The following VGLL4 variants were observed in gnomAD, a reference collection of about 807,000 sequenced individuals.
The protein encoded by VGLL4 is transcription cofactor vestigial-like protein 4.
In VGLL4, 7 loss-of-function variants were observed where a neutral mutation model predicts 21.0. The observed-to-expected ratio is 0.33, with a 90% CI of 0.19 to 0.63. VGLL4 has a LOEUF of 0.63. VGLL4 is among the 20% of genes least tolerant of loss of function. The pLI, the probability that VGLL4 is intolerant of heterozygous loss-of-function variation, is 0.78. For missense variants in VGLL4, 394 were observed against 425.7 expected (o/e 0.93, Z 0.66); for synonymous variants, 222 against 173.2 (o/e 1.28, Z -2.21).
intron 2 of VGLL4, among the ~76,000 whole-genome samples, chr3:11,591,256 G>A (rs566944166): frequency 3.3e-5 from 5 of 152,264 alleles, no homozygotes; most frequent in South Asian, 2.1e-4. Flanking sequence ...TACCCCAAAC[G>A]TCCTCTAATA....
intron 2 of VGLL4, among the ~76,000 whole-genome samples, chr3:11,651,745 A>G (rs2075876041): frequency 6.6e-6 from 1 of 151,652 alleles, no homozygotes. Context: ...ACCAGGGAGT[A>G]GCTGATTTAA....
intron 1 of VGLL4, among the ~76,000 whole-genome samples, chr3:11,710,725 T>TAATAATATACAATGGTAGG (rs2125412765): frequency 6.6e-6 from 1 of 152,314 alleles, no homozygotes; most frequent in Admixed American, 6.5e-5. Flanking sequence ...TGGTTTCAGC[T>TAATAATATACAATGGTAGG]AATAATATAC....
upstream of VGLL4, among the ~76,000 whole-genome samples, chr3:11,646,421 G>A (rs1012862746): frequency 3.9e-5 from 6 of 152,218 alleles, no homozygotes; most frequent in African/African-American, 1.4e-4. Flanking sequence ...AACCAGGGGG[G>A]AGCTTTTAAA....
chr3:11,641,170 C>G (rs1302941789), intron 1 of VGLL4, among the ~76,000 whole-genome samples: 1 of 149,712 alleles, frequency 6.7e-6, no homozygotes, highest in African/African-American at 2.5e-5. Flanking sequence ...TAGAGTAGAG[C>G]TATGTCTCAT....
intron 2 of VGLL4, among the ~76,000 whole-genome samples, chr3:11,591,650 A>C (rs969527974): frequency 6.6e-6 from 1 of 152,252 alleles, no homozygotes; most frequent in Admixed American, 6.5e-5. Context: ...CAAGAAACCC[A>C]CACAACACAG....
chr3:11,682,318 T>C (rs866346967), intron 2 of VGLL4, among the ~76,000 whole-genome samples: 1 of 144,342 alleles, frequency 6.9e-6, no homozygotes, highest in Non-Finnish European at 1.5e-5. Flanking sequence ...GGCAGGAGAA[T>C]AGCTTGAACC....
At chr3:11,684,071 C>T (rs1346222321) in intron 2 of VGLL4, among the ~76,000 whole-genome samples, 2 of 151,834 alleles carry the variant, frequency 1.3e-5, no homozygotes, top group African/African-American at 2.4e-5. Flanking sequence ...ATTAGCTGGG[C>T]CTGATGGCAC....
At chr3:11,601,453 G>A (rs1260972564) in intron 2 of VGLL4, among the ~76,000 whole-genome samples, 3 of 152,168 alleles carry the variant, frequency 2.0e-5, no homozygotes, top group African/African-American at 7.2e-5. Flanking sequence ...CCTTCTATTT[G>A]TCTGGTGCAC....
At chr3:11,607,805 AT>A (rs2074978792) in intron 1 of VGLL4, among the ~76,000 whole-genome samples, 2 of 152,234 alleles carry the variant, frequency 1.3e-5, no homozygotes, top group Non-Finnish European at 2.9e-5. Context: ...AAGTCAGATA[AT>A]TTTTAAAACA....
At chr3:11,607,685 T>A (rs73027105) in intron 1 of VGLL4, among the ~76,000 whole-genome samples, 1 of 152,086 alleles carries the variant, frequency 6.6e-6, no homozygotes, top group African/African-American at 2.4e-5. Context: ...CTTTTTTCTC[T>A]CAGGCTTTTC....
intron 1 of VGLL4, among the ~76,000 whole-genome samples, chr3:11,632,148 A>C (rs891460071): frequency 2.0e-5 from 3 of 152,080 alleles, no homozygotes; most frequent in Non-Finnish European, 4.4e-5. Context: ...ACCCTGCCTT[A>C]CTAAAAATAC....
At position 11,601,837 on chromosome 3, in the gene VGLL4, G is replaced by C. The variant is rs2074805266; in HGVS notation, c.268C>G (p.His90Asp). 2 of 1,613,634 alleles carry C rather than the reference G, an allele frequency of 1.2e-6. No individual in the cohort carries two copies. The highest frequency in any genetic ancestry group is 2.2e-5 in the South Asian group (2 of 91,020). Residue 90 changes from histidine (H) to aspartate (D), a missense_variant, in exon 2 of 5, where the codon CAT (histidine) becomes GAT (aspartate). Coordinates refer to ENST00000430365, the MANE Select transcript of VGLL4 (RefSeq NM_001128219.3). ...VSKMSRIFNP[H>D]LNKTANGDCR... ...AATAAGAACAGAGGAACTCACAGAT[G>C]GGGGTTGAAGATGCGACTCATTTTG... is the stretch of plus-strand genomic sequence containing the variant.
Position 11,576,358 on chromosome 3 carries a change from G to A in VGLL4, c.273-11339C>T, listed in dbSNP as rs2074045079. On this transcript the variant is annotated intron_variant, in intron 2 of 4. Transcript: ENST00000430365. The stretch of plus-strand genomic sequence containing the variant: ...TTGAAAAGAATTTAAAATTCCTACT[G>A]CTAATTTGTAGTTGTTTTTGTCATT... Among the ~76,000 whole-genome samples the A allele has an allele frequency of 3.3e-5, 5 of 152,212 alleles. No homozygotes were observed. The South Asian group carries it at 1.0e-3, about 32-fold the overall frequency.
intron 1 of VGLL4, 29 bp from the exon 2 acceptor site, chr3:11,602,051 A>T: frequency 6.7e-7 from 1 of 1,490,312 alleles, no homozygotes; most frequent in Non-Finnish European, 8.9e-7. Flanking sequence ...TGTAGTCACT[A>T]AGCAGGAGAA....
At chr3:11,594,706 T>C (rs894213733) in intron 2 of VGLL4, among the ~76,000 whole-genome samples, 3 of 152,244 alleles carry the variant, frequency 2.0e-5, no homozygotes, top group Admixed American at 6.5e-5. Flanking sequence ...AGGTCATCCA[T>C]TGCAGCACTG....
chr3:11,673,547 T>C (rs1194271475), intron 2 of VGLL4, among the ~76,000 whole-genome samples: 1 of 152,014 alleles, frequency 6.6e-6, no homozygotes, highest in Non-Finnish European at 1.5e-5. Context: ...ATCTAAGAAA[T>C]ATCCCCCAGG....
intron 2 of VGLL4, among the ~76,000 whole-genome samples, chr3:11,678,703 C>T (rs1477708079): frequency 6.6e-6 from 1 of 152,112 alleles, no homozygotes; most frequent in Admixed American, 6.6e-5. Context: ...TACATACATT[C>T]TCCCTCTTTG....
At chr3:11,570,537 A>G (rs1321335800) in intron 2 of VGLL4, among the ~76,000 whole-genome samples, 2 of 152,200 alleles carry the variant, frequency 1.3e-5, no homozygotes, top group African/African-American at 4.8e-5. Flanking sequence ...CGCACGGGTG[A>G]CCACATACCA....
intron 2 of VGLL4, among the ~76,000 whole-genome samples, chr3:11,701,509 T>C (rs1262432900): frequency 6.6e-6 from 1 of 152,084 alleles, no homozygotes; most frequent in Non-Finnish European, 1.5e-5. Flanking sequence ...AGAAGCCCTA[T>C]CAGAAGCCAA....
Sources: allele counts gnomAD v4.1 joint callset (sites outside exome capture counted in the v4.1 genomes callset), GRCh38; gene constraint gnomAD v4.1.1; transcripts MANE v1.5; gene names NCBI Gene and HGNC (gene_info 2026-07-23, HGNC 2026-07-21).